The following VSIG1 variants were observed in gnomAD, a reference collection of about 807,000 sequenced individuals.
VSIG1 encodes the protein V-set and immunoglobulin domain-containing protein 1.
A neutral mutation model predicts 20.1 loss-of-function variants in VSIG1; 11 were observed. The observed-to-expected ratio is 0.55, with a 90% confidence interval of 0.34 to 0.91. The LOEUF (loss-of-function observed/expected upper bound fraction) is 0.91, where lower values mean the gene tolerates loss of function less well. Ranked by LOEUF, VSIG1 falls within the 40% of genes least tolerant of loss-of-function variation. The pLI is 0.02. For missense variants in VSIG1, 283 were observed against 298.8 expected, an observed-to-expected ratio of 0.95 and a Z score of 0.39; for synonymous variants, 126 against 116.7, an observed-to-expected ratio of 1.08 and a Z score of -0.52.
Position 108,067,144 on chromosome X carries a change from C to CT in VSIG1, c.412+16dup, listed in dbSNP as rs1384907212. The CT allele has an allele frequency of 4.1e-6, 5 of 1,208,402 alleles. No individual in the cohort carries two copies. The highest frequency in any genetic ancestry group is 3.0e-5 in the East Asian group (1 of 33,769). ...AACGTCAGTGTGTTAGGTATGAGCACTTTTTTCTGCTTTTTCTTTTCTTGG... is the reference window on the plus strand; with the variant it reads ...AACGTCAGTGTGTTAGGTATGAGCACTTTTTTTCTGCTTTTTCTTTTCTTGG... On this transcript the variant is annotated intron_variant, in intron 3 of 6. Coordinates refer to ENST00000217957, the MANE Select transcript of VSIG1 (RefSeq NM_182607.5).
chrX:108,042,058 G>T (rs2030490103), upstream of VSIG1, among the ~76,000 whole-genome samples: 1 of 111,410 alleles, frequency 9.0e-6, no homozygotes, highest in Admixed American at 9.6e-5. Flanking sequence ...AACTGCAAAG[G>T]ATATTTAATA....
At chrX:108,057,041 C>T (rs753217387) in intron 1 of VSIG1, among the ~76,000 whole-genome samples, 2 of 112,038 alleles carry the variant, frequency 1.8e-5, no homozygotes, top group South Asian at 3.7e-4. Flanking sequence ...TATATATCAT[C>T]GGGTACTACA....
At position 108,067,065 on chromosome X, in the gene VSIG1, A is replaced by T. The variant is rs1226035119; in HGVS notation, c.343A>T (p.Ile115Phe). The T allele has an allele frequency of 8.3e-7, 1 of 1,209,665 alleles. No individual in the cohort carries two copies. The highest frequency in any genetic ancestry group is 1.1e-6 in the Non-Finnish European group (1 of 895,140). The change falls in exon 3 of 7, where the codon ATC becomes TTC. Residue 115 changes from isoleucine (I) to phenylalanine (F), a missense_variant. Transcript: ENST00000217957. ...HMQPADSGIY[I>F]CDVNNPPDFL... is the part of the protein sequence containing the mutation. ...GCAGCCAGCAGACAGTGGAATTTAC[A>T]TCTGCGATGTTAACAACCCCCCAGA...
At chrX:108,064,514 C>T (rs757036720) in intron 2 of VSIG1, among the ~76,000 whole-genome samples, 1 of 111,680 alleles carries the variant, frequency 9.0e-6, no homozygotes, top group Non-Finnish European at 1.9e-5. Flanking sequence ...ACAGTGGACA[C>T]TTTTACTTCT....
intron 5 of VSIG1, 120 bp downstream of exon 5, chrX:108,073,489 C>A: frequency 1.2e-6 from 1 of 846,633 alleles, no homozygotes; most frequent in Non-Finnish European, 1.7e-6. Flanking sequence ...GATTTGTGTG[C>A]TTTATATACA....
chrX:108,019,985 A>T, the VSIG1 span, among the ~76,000 whole-genome samples: 2 of 109,878 alleles, frequency 1.8e-5, no homozygotes, highest in Non-Finnish European at 3.8e-5. Flanking sequence ...TAGGAGGCCA[A>T]CTTGCTTCCT....
At chrX:108,019,379 C>G in the VSIG1 span, among the ~76,000 whole-genome samples, 4 of 112,404 alleles carry the variant, frequency 3.6e-5, no homozygotes, top group Non-Finnish European at 7.5e-5. Context: ...CCCTGCCCCC[C>G]CGTGTTGCAT....
intron 1 of VSIG1, among the ~76,000 whole-genome samples, chrX:108,057,079 TACAC>T (rs1320762369): frequency 8.9e-6 from 1 of 112,239 alleles, no homozygotes; most frequent in Admixed American, 9.4e-5. Context: ...AAACTACTGA[TACAC>T]ACAGCAACTT....
intron 5 of VSIG1, 84 bp from the exon 6 acceptor site, chrX:108,075,993 C>G: frequency 1.8e-6 from 2 of 1,122,268 alleles, no homozygotes; most frequent in Non-Finnish European, 2.4e-6. Context: ...TGTGAATGGC[C>G]CTGATATTCC....
chrX:108,034,357 T>C, the VSIG1 span, among the ~76,000 whole-genome samples: 4 of 111,895 alleles, frequency 3.6e-5, no homozygotes, highest in Non-Finnish European at 7.5e-5. Context: ...AGCCAAGATG[T>C]TCCTTTCACT....
At chrX:108,043,642 A>T (rs2030515239), upstream of VSIG1, among the ~76,000 whole-genome samples, 1 of 111,763 alleles carries the variant, frequency 8.9e-6, no homozygotes, top group Non-Finnish European at 1.9e-5. Context: ...CTAGTGATGG[A>T]AATCACCTGG....
upstream of VSIG1, among the ~76,000 whole-genome samples, chrX:108,043,387 A>G (rs184072382): frequency 1.8e-5 from 2 of 112,144 alleles, no homozygotes; most frequent in African/African-American, 6.5e-5. Context: ...AAAGTTGGGA[A>G]CTGCCTGTAT....
intron 1 of VSIG1, among the ~76,000 whole-genome samples, chrX:108,047,971 T>TATACAC (rs2030687720): frequency 1.7e-5 from 1 of 57,746 alleles, no homozygotes. Context: ...CATATATATA[T>TATACAC]ATATATATAT....
At chrX:108,038,398 G>C in the VSIG1 span, among the ~76,000 whole-genome samples, 1 of 111,572 alleles carries the variant, frequency 9.0e-6, no homozygotes, top group Non-Finnish European at 1.9e-5. Context: ...ATGGTTTCCA[G>C]CTTCATCCAT....
chrX:108,040,690 G>A (rs1055536459), upstream of VSIG1, among the ~76,000 whole-genome samples: 1 of 111,984 alleles, frequency 8.9e-6, no homozygotes, highest in South Asian at 3.7e-4. Context: ...TAAATAAATT[G>A]AGGTACATTC....
chrX:108,040,592 G>T (rs1228400091), upstream of VSIG1, among the ~76,000 whole-genome samples: 1 of 111,422 alleles, frequency 9.0e-6, no homozygotes, highest in Admixed American at 9.6e-5. Context: ...CAAGTGGGCA[G>T]ATCTTGACAA....
chrX:108,042,018 A>G (rs1264272142), upstream of VSIG1, among the ~76,000 whole-genome samples: 1 of 111,669 alleles, frequency 9.0e-6, no homozygotes. Flanking sequence ...TAAAATGGAA[A>G]ATTAGTTTAA....
rs1263575223 is a variant in VSIG1 at position 108,047,949 on chromosome X, TATATACAC to T, written c.49+2772_49+2779del. Among the ~76,000 whole-genome samples, 14 of 28,557 alleles carry T rather than the reference TATATACAC, an allele frequency of 4.9e-4. 2 individuals are homozygous for T. Among genetic ancestry groups the T allele is most frequent in the African/African-American group, 2.9e-3 (13 of 4,555 alleles). 24.8% of individuals were successfully genotyped at this position (28,557 alleles called of 115,157 possible). On this transcript the variant is annotated intron_variant, in intron 1 of 6. Transcript: ENST00000217957. ...ATATATATATACACATATATATATA[TATATACAC>T]ACACATATATATATATATATATATA...
the VSIG1 span, among the ~76,000 whole-genome samples, chrX:108,024,474 C>T: frequency 1.0e-4 from 11 of 107,351 alleles, no homozygotes; most frequent in East Asian, 2.7e-3. Flanking sequence ...TATTCCTTTC[C>T]TTCTGCTTGC....
Sources: allele counts gnomAD v4.1 joint callset (sites outside exome capture counted in the v4.1 genomes callset), GRCh38; gene constraint gnomAD v4.1.1; transcripts MANE v1.5; gene names NCBI Gene and HGNC (gene_info 2026-07-23, HGNC 2026-07-21).